Variants in IQSEC1 observed in about 807,000 individuals in gnomAD.
IQSEC1 encodes IQ motif and Sec7 domain ArfGEF 1.
IQSEC1 carries 31 observed loss-of-function variants against 91.0 expected under a neutral mutation model. The observed-to-expected ratio is 0.34, with a 90% CI of 0.26 to 0.46. The LOEUF is 0.46. IQSEC1 is among the 20% of genes least tolerant of loss of function. IQSEC1 has a pLI of 1.00. For synonymous variants in IQSEC1, 699 were observed against 662.6 expected (o/e 1.05, Z -0.84); for missense variants, 1,388 against 1,575.6 (o/e 0.88, Z 2.02).
intron 1 of IQSEC1, among the ~76,000 whole-genome samples, chr3:13,065,884 A>G (rs1290168497): frequency 2.6e-5 from 4 of 152,250 alleles, no homozygotes; most frequent in African/African-American, 9.6e-5. Flanking sequence ...CCATCCGCAC[A>G]ATGGAACAGT....
At position 13,117,145 on chromosome 3, in the gene IQSEC1, A is replaced by C. The variant is rs553329991; in HGVS notation, c.302+46959T>G. Among the ~76,000 whole-genome samples, 4 of 151,730 alleles carry C rather than the reference A, an allele frequency of 2.6e-5. No individual in the cohort carries two copies. In the East Asian group the frequency reaches 7.7e-4, roughly 29 times the overall value. On this transcript the variant is annotated intron_variant, in intron 2 of 15. Transcript: ENST00000648114. ...GTCACAACTCAACAACCAAAAGATA[A>C]GCAACTCGATTAAATCATGAATAGA...
intron 1 of IQSEC1, among the ~76,000 whole-genome samples, chr3:12,948,062 T>C (rs1369041111): frequency 6.6e-6 from 1 of 152,270 alleles, no homozygotes; most frequent in Non-Finnish European, 1.5e-5. Context: ...CTAGCTCTAC[T>C]GCTTACCAGC....
intron 2 of IQSEC1, among the ~76,000 whole-genome samples, chr3:13,114,414 C>T (rs898402704): frequency 2.0e-5 from 3 of 152,160 alleles, no homozygotes; most frequent in Non-Finnish European, 4.4e-5. Context: ...AAGATGTTAA[C>T]AGGTGGGGGA....
intron 1 of IQSEC1, among the ~76,000 whole-genome samples, chr3:12,998,209 G>C (rs1246640470): frequency 6.6e-6 from 1 of 152,166 alleles, no homozygotes; most frequent in Non-Finnish European, 1.5e-5. Flanking sequence ...AATTAGCTGG[G>C]TGTGGTGGCA....
chr3:12,922,756 AGGGCCATGCACCCTCATCTGT>A lies in IQSEC1; in HGVS notation c.1731-535_1731-515del, dbSNP rs1696750407. Among the ~76,000 whole-genome samples the A allele has an allele frequency of 6.6e-6, 1 of 152,072 alleles. No homozygotes were observed. The highest frequency in any genetic ancestry group is 1.5e-5 in the Non-Finnish European group (1 of 68,008). On this transcript the variant is annotated intron_variant, in intron 4 of 13. Transcript: ENST00000613206. The surrounding 1 kb of genome is among the most constrained non-coding windows in gnomAD (Gnocchi z 5.1). ...GCAGATGCTTTTCCAGGGACTTGAAAGGGCCATGCACCCTCATCTGTGGGGCAGGGCCTGGAGGGGCGGCTG... is the reference window on the plus strand; with the variant it reads ...GCAGATGCTTTTCCAGGGACTTGAAAGGGGCAGGGCCTGGAGGGGCGGCTG...
intron 6 of IQSEC1, among the ~76,000 whole-genome samples, chr3:12,916,221 C>T (rs1411021885): frequency 6.6e-6 from 1 of 152,184 alleles, no homozygotes; most frequent in African/African-American, 2.4e-5. Context: ...TGGTGTCCTC[C>T]TCTAAAACAC....
intron 1 of IQSEC1, among the ~76,000 whole-genome samples, chr3:13,047,897 T>G (rs1162342658): frequency 6.6e-6 from 1 of 152,138 alleles, no homozygotes; most frequent in African/African-American, 2.4e-5. Flanking sequence ...CAAAGAGCCC[T>G]GCACCAGGAA....
chr3:13,007,132 G>A (rs77166485), intron 1 of IQSEC1, among the ~76,000 whole-genome samples: 5,204 of 152,346 alleles, frequency 0.034, 134 homozygotes, highest in Non-Finnish European at 0.053. Flanking sequence ...TGGAGTGCAG[G>A]AGAGGAAGCT....
At position 12,909,565 on chromosome 3, in the gene IQSEC1, T is replaced by A. The variant is rs929718109; in HGVS notation, c.2417-131A>T. 8.1e-6 allele frequency: 7 copies of A among 861,610 alleles called. No individual in the cohort carries two copies. The highest frequency in any genetic ancestry group is 1.3e-5 in the Non-Finnish European group (7 of 555,234). The allele number at this position is 861,610 out of a possible 1,614,324, so 53.4% of individuals were successfully genotyped here. ...TGGGATAAGTGCCGGGAGTCCAGCC[T>A]CCGCAGTGGCAGGCTGCAGGGGTGC... is the stretch of plus-strand genomic sequence containing the variant. On this transcript the variant is annotated intron_variant, in intron 10 of 13. Transcript: ENST00000613206. The surrounding 1 kb of genome is among the most constrained non-coding windows in gnomAD (Gnocchi z 4.9).
intron 1 of IQSEC1, among the ~76,000 whole-genome samples, chr3:13,269,720 T>C (rs1446981139): frequency 5.3e-5 from 8 of 152,204 alleles, no homozygotes; most frequent in African/African-American, 1.9e-4. Flanking sequence ...GGCCCACCTG[T>C]GGGCAGGCCA....
chr3:13,065,883 C>A (rs1705213790), intron 1 of IQSEC1, among the ~76,000 whole-genome samples: 1 of 152,232 alleles, frequency 6.6e-6, no homozygotes, highest in Admixed American at 6.5e-5. Context: ...TCCATCCGCA[C>A]AATGGAACAG....
At chr3:13,264,341 C>A (rs111520601) in intron 1 of IQSEC1, among the ~76,000 whole-genome samples, 5 of 152,206 alleles carry the variant, frequency 3.3e-5, no homozygotes, top group African/African-American at 1.2e-4. Flanking sequence ...GTGATGCCCA[C>A]CGGAGGCCGA....
intron 2 of IQSEC1, among the ~76,000 whole-genome samples, chr3:13,160,018 C>T (rs561130339): frequency 1.4e-4 from 22 of 152,146 alleles, no homozygotes; most frequent in East Asian, 1.4e-3. Flanking sequence ...CACATCCTCC[C>T]GGGGAACAAT....
At chr3:13,015,678 T>G (rs1703092707) in intron 1 of IQSEC1, 1 of 985,114 alleles carries the variant, frequency 1.0e-6, no homozygotes, top group South Asian at 4.7e-5. Context: ...CCACAGCAGG[T>G]CCTGACGTCT....
At chr3:13,068,080 G>A (rs914397287) in intron 1 of IQSEC1, among the ~76,000 whole-genome samples, 7 of 152,256 alleles carry the variant, frequency 4.6e-5, no homozygotes, top group African/African-American at 1.7e-4. Context: ...CCCAGTGCCT[G>A]TGCTTGGGGC....
rs1694138520 is a variant in IQSEC1, at chr3:12,900,485, TTATA to T, written c.*494_*497del. ...TATATATATTTATATATTTATATATTTATATAAAGTTTACTTACGTATTTTCATC... is the reference window on the plus strand; with the variant it reads ...TATATATATTTATATATTTATATATTTAAAGTTTACTTACGTATTTTCATC... On this transcript the variant is annotated 3_prime_UTR_variant, in exon 14 of 14. Coordinates refer to ENST00000613206, the MANE Select transcript of IQSEC1 (RefSeq NM_001134382.3). 1.1e-5 allele frequency: 8 copies of T among 733,154 alleles called. No individual in the cohort carries two copies. The highest frequency in any genetic ancestry group is 1.2e-4 in the South Asian group (2 of 16,328). 45.4% of individuals were successfully genotyped at this position (733,154 alleles called of 1,614,324 possible). A position where few individuals can be genotyped will look rare whatever the true frequency, so the allele number is the denominator to read the frequency against.
chr3:13,152,489 T>G (rs940192488), intron 2 of IQSEC1, among the ~76,000 whole-genome samples: 5 of 152,252 alleles, frequency 3.3e-5, no homozygotes, highest in Non-Finnish European at 2.9e-5. Flanking sequence ...CACTTGTTTT[T>G]TCCTCTCAAG....
At chr3:12,943,973 C>T (rs891207092) in intron 1 of IQSEC1, among the ~76,000 whole-genome samples, 2 of 152,206 alleles carry the variant, frequency 1.3e-5, no homozygotes, top group Non-Finnish European at 2.9e-5. Flanking sequence ...TCCCCAGGAG[C>T]TGGGCCATGA....
intron 12 of IQSEC1, among the ~76,000 whole-genome samples, chr3:12,907,122 C>T (rs1403285786): frequency 6.6e-6 from 1 of 152,150 alleles, no homozygotes; most frequent in Non-Finnish European, 1.5e-5. Context: ...TCACTTGGCC[C>T]AAAATGTCAA....
Sources: allele counts gnomAD v4.1 joint callset (sites outside exome capture counted in the v4.1 genomes callset), GRCh38; gene constraint gnomAD v4.1.1; non-coding constraint Gnocchi (gnomAD v3.1); transcripts MANE v1.5; gene names NCBI Gene and HGNC (gene_info 2026-07-23, HGNC 2026-07-21).